The following TRPC4 variants were observed in gnomAD, a reference collection of about 807,000 sequenced individuals.
TRPC4 encodes the protein short transient receptor potential channel 4.
In TRPC4, 49 loss-of-function variants were observed where a neutral mutation model predicts 99.4. The ratio of observed to expected loss-of-function variants is 0.49; its 90% confidence interval spans 0.39 to 0.63. The LOEUF is 0.63. Among genes scored for constraint, TRPC4 ranks in the 20% least tolerant of loss-of-function variants. The probability of loss-of-function intolerance (pLI) is 0.00; values close to 1 mark genes in which losing one functional copy is unlikely to be tolerated. For missense variants in TRPC4, 898 were observed against 1,152.9 expected, an observed-to-expected ratio of 0.78 and a Z score of 3.20; for synonymous variants, 454 against 425.9, an observed-to-expected ratio of 1.07 and a Z score of -0.81.
intron 2 of TRPC4, among the ~76,000 whole-genome samples, chr13:37,775,816 A>G (rs770543859): frequency 4.7e-5 from 7 of 150,106 alleles, no homozygotes; most frequent in South Asian, 2.1e-4. Flanking sequence ...TTTTTTTTTG[A>G]GAGTGGTAAA....
At chr13:37,863,714 C>A (rs1005752980) in intron 1 of TRPC4, among the ~76,000 whole-genome samples, 1 of 151,638 alleles carries the variant, frequency 6.6e-6, no homozygotes, top group Admixed American at 6.6e-5. Context: ...CTGTTCTTCA[C>A]TCCATGTACA....
At chr13:37,720,434 G>A (rs1044336685) in intron 3 of TRPC4, among the ~76,000 whole-genome samples, 1 of 151,968 alleles carries the variant, frequency 6.6e-6, no homozygotes, top group African/African-American at 2.4e-5. Context: ...ATGAGAAACC[G>A]AGCAATGAGG....
intron 1 of TRPC4, among the ~76,000 whole-genome samples, chr13:37,809,467 G>GT (rs11316952): frequency 9.4e-4 from 138 of 146,876 alleles, no homozygotes; most frequent in African/African-American, 1.5e-3. Flanking sequence ...CGGGTTTTGT[G>GT]TTTTTTTTTT....
chr13:37,667,172 A>C (rs1952672906), intron 5 of TRPC4, among the ~76,000 whole-genome samples: 1 of 152,182 alleles, frequency 6.6e-6, no homozygotes. Flanking sequence ...AATCTTATGT[A>C]GGTTGCTTCC....
At position 37,639,124 on chromosome 13, in the gene TRPC4, A is replaced by G. The variant is rs1566059703; in HGVS notation, c.2127T>C (p.Val709=). The change falls in exon 10 of 11, where the codon GTT becomes GTC. Residue 709 remains valine (V), a synonymous_variant. Coordinates refer to ENST00000379705, the MANE Select transcript of TRPC4 (RefSeq NM_016179.4). ...CGTATCGCTTCACCAGGTTCCTCATAACTTCCTGAGGCATTTTAGAACAAG... is the reference window on the plus strand; with the variant it reads ...CGTATCGCTTCACCAGGTTCCTCATGACTTCCTGAGGCATTTTAGAACAAG... The part of the protein sequence containing the change: ...NLRRHHQYQE[V]MRNLVKRYVA... 2 of 1,613,652 alleles carry G rather than the reference A, an allele frequency of 1.2e-6. No individual in the cohort carries two copies. The highest frequency in any genetic ancestry group is 1.7e-6 in the Non-Finnish European group (2 of 1,179,644).
chr13:37,782,496 A>G (rs577730637), intron 2 of TRPC4, among the ~76,000 whole-genome samples: 4 of 151,980 alleles, frequency 2.6e-5, no homozygotes, highest in Admixed American at 6.6e-5. Flanking sequence ...AGATGGTGCA[A>G]CTCACTTTTG....
rs141380713 is a variant in TRPC4 at position 37,758,590 on chromosome 13, C to T, written c.379-12135G>A. Reference sequence around the variant, plus strand: ...AATAAAATATTAAGAAACAAGACAACCTGTTCCTGTTTGGCAAATTACATG... The same window carrying T: ...AATAAAATATTAAGAAACAAGACAATCTGTTCCTGTTTGGCAAATTACATG... On this transcript the variant is annotated intron_variant, in intron 2 of 10. Coordinates refer to ENST00000379705, the MANE Select transcript of TRPC4 (RefSeq NM_016179.4). Among the ~76,000 whole-genome samples, 433 of 151,752 alleles carry T rather than the reference C, an allele frequency of 2.9e-3. 4 individuals carry two copies. Among genetic ancestry groups the T allele is most frequent in the Admixed American group, 0.015 (236 of 15,230 alleles).
chr13:37,737,120 G>C (rs1357315101), intron 3 of TRPC4, among the ~76,000 whole-genome samples: 1 of 151,690 alleles, frequency 6.6e-6, no homozygotes, highest in African/African-American at 2.4e-5. Flanking sequence ...AAATGATGAA[G>C]CTAACACTTC....
chr13:37,813,413 G>C (rs1204110589), intron 1 of TRPC4, among the ~76,000 whole-genome samples: 3 of 151,284 alleles, frequency 2.0e-5, no homozygotes, highest in Non-Finnish European at 4.4e-5. Flanking sequence ...GTAAAATAGA[G>C]AACAGAGAAA....
At chr13:37,852,237 G>A (rs535599839) in intron 1 of TRPC4, among the ~76,000 whole-genome samples, 1 of 152,050 alleles carries the variant, frequency 6.6e-6, no homozygotes, top group East Asian at 1.9e-4. Context: ...TTCTGCTTAG[G>A]GGGTGGAGAG....
intron 3 of TRPC4, among the ~76,000 whole-genome samples, chr13:37,725,887 A>C (rs987224510): frequency 6.6e-6 from 1 of 152,144 alleles, no homozygotes; most frequent in Admixed American, 6.6e-5. Flanking sequence ...TAAAGATCAC[A>C]GCAAAAGTGA....
At chr13:37,853,267 C>T (rs1251201997) in intron 1 of TRPC4, among the ~76,000 whole-genome samples, 1 of 152,148 alleles carries the variant, frequency 6.6e-6, no homozygotes, top group Non-Finnish European at 1.5e-5. Flanking sequence ...GAAAGAGACT[C>T]TTATTTGTTT....
intron 1 of TRPC4, among the ~76,000 whole-genome samples, chr13:37,819,197 T>C (rs1373005463): frequency 1.3e-5 from 2 of 151,976 alleles, no homozygotes; most frequent in Admixed American, 6.6e-5. Context: ...GGTGAGGTTG[T>C]AGAGAAAAAG....
At chr13:37,793,811 G>A (rs1370953928) in intron 1 of TRPC4, among the ~76,000 whole-genome samples, 1 of 152,076 alleles carries the variant, frequency 6.6e-6, no homozygotes, top group Non-Finnish European at 1.5e-5. Context: ...TTGGAAATAT[G>A]CGTATCACTC....
At chr13:37,725,097 T>A (rs1376876461) in intron 3 of TRPC4, among the ~76,000 whole-genome samples, 1 of 151,908 alleles carries the variant, frequency 6.6e-6, no homozygotes, top group Non-Finnish European at 1.5e-5. Context: ...ATTCTAGAGC[T>A]GAAGTGAAAA....
At chr13:37,766,492 C>CT (rs1956371519) in intron 2 of TRPC4, among the ~76,000 whole-genome samples, 1 of 151,276 alleles carries the variant, frequency 6.6e-6, no homozygotes, top group African/African-American at 2.4e-5. Flanking sequence ...CCTATGGATC[C>CT]TTTTTGGGAG....
chr13:37,659,246 C>T (rs1952350641), intron 6 of TRPC4, among the ~76,000 whole-genome samples: 1 of 151,974 alleles, frequency 6.6e-6, no homozygotes, highest in African/African-American at 2.4e-5. Flanking sequence ...TTAGTGAGTT[C>T]TCACACTATC....
chr13:37,836,277 A>G (rs986689848), intron 1 of TRPC4, among the ~76,000 whole-genome samples: 8 of 152,204 alleles, frequency 5.3e-5, no homozygotes, highest in Non-Finnish European at 1.5e-5. Context: ...GTAAGTTGGT[A>G]CCAAGAATGA....
intron 1 of TRPC4, among the ~76,000 whole-genome samples, chr13:37,817,615 C>A (rs1375162113): frequency 6.6e-6 from 1 of 151,974 alleles, no homozygotes; most frequent in Non-Finnish European, 1.5e-5. Flanking sequence ...CAGGAGGCAT[C>A]ATGCTACCTA....
Sources: gnomAD v4.1 joint callset for allele counts (sites outside exome capture counted in the v4.1 genomes callset) on GRCh38, gnomAD v4.1.1 for gene constraint, MANE v1.5 for transcripts, NCBI Gene and HGNC (gene_info 2026-07-23, HGNC 2026-07-21) for gene names.